Variants in NR5A2 observed in about 807,000 individuals in gnomAD.
NR5A2 encodes nuclear receptor subfamily 5 group A member 2.
NR5A2 carries 26 observed loss-of-function variants against 62.7 expected under a neutral mutation model. The observed-to-expected ratio is 0.41, with a 90% CI of 0.30 to 0.58. NR5A2 has a LOEUF of 0.58. Ranked by LOEUF, NR5A2 falls within the 20% of genes least tolerant of loss-of-function variation. The pLI, the probability that NR5A2 is intolerant of heterozygous loss-of-function variation, is 0.22. For synonymous variants in NR5A2, 246 were observed against 241.7 expected (o/e 1.02, Z -0.16); for missense variants, 541 against 669.1 (o/e 0.81, Z 2.11).
At chr1:200,085,092 C>T (rs548871327) in intron 5 of NR5A2, among the ~76,000 whole-genome samples, 154 of 152,164 alleles carry the variant, frequency 1.0e-3, no homozygotes, top group Middle Eastern at 6.8e-3. Flanking sequence ...CTAATGCTTC[C>T]GTCTAGTGGA....
At position 200,039,898 on chromosome 1, in the gene NR5A2, C is replaced by A; in HGVS notation, c.202+103C>A. Reference sequence around the variant, plus strand: ...GCCCCGCGCGGGCGCGGGAGTAGCCCCGCTGGGCGCTCGCAGCCGCGGGAG... The same window carrying A: ...GCCCCGCGCGGGCGCGGGAGTAGCCACGCTGGGCGCTCGCAGCCGCGGGAG... On this transcript the variant is annotated intron_variant, in intron 2 of 7. Coordinates refer to ENST00000367362, the MANE Select transcript of NR5A2 (RefSeq NM_205860.3). This position sits in a 1 kb window ranked among gnomAD's most constrained non-coding sequence, Gnocchi z 5.1. The A allele has an allele frequency of 1.5e-6, 2 of 1,338,630 alleles. No homozygotes were observed. Among genetic ancestry groups the A allele is most frequent in the Non-Finnish European group, 2.0e-6 (2 of 1,020,456 alleles). The allele number at this position is 1,338,630 out of a possible 1,614,324, so 82.9% of individuals were successfully genotyped here.
intron 7 of NR5A2, among the ~76,000 whole-genome samples, chr1:200,164,859 T>C (rs973597637): frequency 6.7e-5 from 10 of 149,584 alleles, no homozygotes; most frequent in African/African-American, 2.5e-4. Flanking sequence ...ACTTTATTTT[T>C]TAGAGCAGTT....
intron 7 of NR5A2, among the ~76,000 whole-genome samples, chr1:200,161,455 T>C (rs1258353341): frequency 6.6e-6 from 1 of 152,218 alleles, no homozygotes; most frequent in Admixed American, 6.5e-5. Flanking sequence ...CTAAGAATTC[T>C]AGAATGCAAA....
intron 6 of NR5A2, among the ~76,000 whole-genome samples, chr1:200,114,217 GATATAT>G (rs751507322): frequency 4.9e-5 from 3 of 61,440 alleles, no homozygotes; most frequent in African/African-American, 1.3e-4. Context: ...GAAGCTAGAA[GATATAT>G]ATATATATAT....
chr1:200,164,526 A>G (rs1328849808), intron 7 of NR5A2, among the ~76,000 whole-genome samples: 1 of 150,768 alleles, frequency 6.6e-6, no homozygotes, highest in Non-Finnish European at 1.5e-5. Context: ...CATCTTAACC[A>G]CTTTTCCATA....
In NR5A2 at chr1:200,120,801, A is replaced by G. The variant is rs374759339; in HGVS notation, c.1231-7A>G. The G allele has an allele frequency of 3.9e-6, 6 of 1,532,290 alleles. No individual in the cohort carries two copies. The African/African-American group carries it at 4.2e-5, about 11-fold the overall frequency. The allele number at this position is 1,532,290 out of a possible 1,614,324, so 94.9% of individuals were successfully genotyped here. The stretch of plus-strand genomic sequence containing the variant: ...ATAGTCCTTAAAACTGTGATTCTGT[A>G]TTGCAGGTGGACTATTCCATAATAG... On this transcript the variant is annotated splice_region_variant and splice_polypyrimidine_tract_variant and intron_variant, in intron 6 of 7. Transcript: ENST00000367362.
chr1:200,048,541 C>A lies in NR5A2; in HGVS notation c.833C>A (p.Thr278Asn). ...AIKSEYPDPY[T>N]SSPESIMGYS... ...AAGTCTGAGTACCCAGACCCCTATA[C>A]CAGCTCACCCGAGTCCATAATGGGC... Residue 278 changes from threonine to asparagine, a missense_variant, in exon 5 of 8, where the codon ACC becomes AAC. Thr to Asn is a moderately conservative substitution (Grantham distance 65, BLOSUM62 0). Transcript: ENST00000367362. This position sits in a 1 kb window ranked among gnomAD's most constrained non-coding sequence, Gnocchi z 4.8. The A allele has an allele frequency of 6.2e-7, 1 of 1,614,160 alleles. No individual in the cohort carries two copies. Among genetic ancestry groups the A allele is most frequent in the East Asian group, 2.2e-5 (1 of 44,888 alleles).
chr1:200,116,521 T>C lies in NR5A2; in HGVS notation c.1231-4287T>C, dbSNP rs142051977. On this transcript the variant is annotated intron_variant, in intron 6 of 7. Transcript: ENST00000367362. ...AGAATTGAACTATGTCTGTTCATAG[T>C]TCATTCAGAACTAGAGAAACCAAAA... Among the ~76,000 whole-genome samples, 113 of 152,322 alleles carry C rather than the reference T, an allele frequency of 7.4e-4. 1 individual carries two copies. The East Asian group carries it at 0.018, about 25-fold the overall frequency.
At chr1:200,045,982 T>C (rs1193683753) in intron 4 of NR5A2, among the ~76,000 whole-genome samples, 2 of 152,186 alleles carry the variant, frequency 1.3e-5, no homozygotes, top group African/African-American at 4.8e-5. Context: ...CTTGGAAAAG[T>C]TTGATTTCAA....
intron 6 of NR5A2, among the ~76,000 whole-genome samples, chr1:200,113,990 G>A (rs923734553): frequency 1.3e-5 from 2 of 152,158 alleles, no homozygotes; most frequent in African/African-American, 4.8e-5. Context: ...AGACCAGCCT[G>A]GCGAACATGG....
At chr1:200,099,595 A>C (rs562740367) in intron 5 of NR5A2, among the ~76,000 whole-genome samples, 6 of 151,652 alleles carry the variant, frequency 4.0e-5, no homozygotes, top group East Asian at 3.9e-4. Context: ...GATTTCTTTT[A>C]TTTTATTTTA....
intron 5 of NR5A2, among the ~76,000 whole-genome samples, chr1:200,100,992 C>T (rs556360337): frequency 4.2e-4 from 64 of 152,256 alleles, no homozygotes; most frequent in African/African-American, 1.4e-3. Flanking sequence ...CTTTATTTCC[C>T]TTTATCCTCA....
chr1:200,115,589 T>TGTAA (rs1235065677), intron 6 of NR5A2, among the ~76,000 whole-genome samples: 2 of 152,094 alleles, frequency 1.3e-5, no homozygotes, highest in East Asian at 1.9e-4. Context: ...AAATCAAAGA[T>TGTAA]GTAAGGGGAA....
chr1:200,092,003 G>A (rs769485798), intron 5 of NR5A2, among the ~76,000 whole-genome samples: 1 of 152,142 alleles, frequency 6.6e-6, no homozygotes, highest in Non-Finnish European at 1.5e-5. Context: ...CCGAACTGCT[G>A]GATCACTGTG....
intron 5 of NR5A2, among the ~76,000 whole-genome samples, chr1:200,106,517 A>T (rs1241473548): frequency 6.6e-6 from 1 of 152,234 alleles, no homozygotes; most frequent in Admixed American, 6.5e-5. Flanking sequence ...GGTTTCTGAG[A>T]TAAGCCCTTC....
At chr1:200,133,133 A>G (rs1267115237) in intron 7 of NR5A2, among the ~76,000 whole-genome samples, 2 of 152,106 alleles carry the variant, frequency 1.3e-5, no homozygotes, top group Non-Finnish European at 2.9e-5. Flanking sequence ...TAGACTTACT[A>G]TTTCTTGGCC....
At position 200,111,298 on chromosome 1, in the gene NR5A2, A is replaced by C; in HGVS notation, c.1207A>C (p.Ile403Leu). 1 of 1,611,042 alleles carries C rather than the reference A, an allele frequency of 6.2e-7. No individual in the cohort carries two copies. Among genetic ancestry groups the C allele is most frequent in the Non-Finnish European group, 8.5e-7 (1 of 1,179,222 alleles). Residue 403 changes from isoleucine (I) to leucine (L), a missense_variant, in exon 6 of 8, where the codon ATC becomes CTC. This residue lies in a region of NR5A2 where 379 missense variants were observed against 442.0 expected (regional missense o/e 0.86). Coordinates refer to ENST00000367362, the MANE Select transcript of NR5A2 (RefSeq NM_205860.3). ...RQVVHGKEGS[I>L]FLVTGQQVDY... ...AGTGGTACATGGAAAGGAAGGATCC[A>C]TCTTCCTGGTTACTGGGCAACAAGT...
At chr1:200,064,302 A>G (rs1234901331) in intron 5 of NR5A2, among the ~76,000 whole-genome samples, 1 of 152,216 alleles carries the variant, frequency 6.6e-6, no homozygotes, top group African/African-American at 2.4e-5. Flanking sequence ...GTACTTGGTT[A>G]TGACAGCACA....
intron 5 of NR5A2, among the ~76,000 whole-genome samples, chr1:200,080,430 G>GAT (rs766125239): frequency 7.6e-4 from 115 of 151,860 alleles, no homozygotes; most frequent in Middle Eastern, 3.4e-3. Context: ...TCTGGTTTGA[G>GAT]ATATATATAT....
Sources: gnomAD v4.1 joint callset for allele counts (sites outside exome capture counted in the v4.1 genomes callset) on GRCh38, gnomAD v4.1.1 for gene constraint, gnomAD v4.1.1 regional missense constraint, Gnocchi (gnomAD v3.1) non-coding constraint, MANE v1.5 for transcripts, NCBI Gene and HGNC (gene_info 2026-07-23, HGNC 2026-07-21) for gene names.